PLD5: variants seen among roughly 807,000 people sequenced by gnomAD.
PLD5 encodes inactive phospholipase D5.
In PLD5, 36 loss-of-function variants were observed where a neutral mutation model predicts 61.1. That is an observed-to-expected ratio of 0.59 (90% CI 0.45 to 0.78). The LOEUF (loss-of-function observed/expected upper bound fraction) is 0.78, where lower values mean the gene tolerates loss of function less well. PLD5 is among the 30% of genes least tolerant of loss of function. PLD5 has a pLI of 0.00. For synonymous variants in PLD5, 243 were observed against 242.8 expected (o/e 1.00, Z -0.01); for missense variants, 515 against 644.4 (o/e 0.80, Z 2.17).
intron 1 of PLD5, among the ~76,000 whole-genome samples, chr1:242,483,420 T>C (rs1667852304): frequency 6.6e-6 from 1 of 152,106 alleles, no homozygotes; most frequent in Admixed American, 6.5e-5. Flanking sequence ...AAGTCTCTGA[T>C]AAAACAGACT....
rs188667092 is a variant in PLD5 at position 242,124,093 on chromosome 1, A to G, written c.933+375T>C. Among the ~76,000 whole-genome samples the G allele has an allele frequency of 3.5e-4, 53 of 152,308 alleles. No individual in the cohort carries two copies. The East Asian group carries it at 0.01, about 29-fold the overall frequency. On this transcript the variant is annotated intron_variant, in intron 6 of 9. Transcript: ENST00000536534. Reference sequence around the variant, plus strand: ...AATGTAGGGCATTGAAAACAGGCTAACAGGCTCTGGTGTCAGAAGAGCTGG... The same window carrying G: ...AATGTAGGGCATTGAAAACAGGCTAGCAGGCTCTGGTGTCAGAAGAGCTGG...
intron 2 of PLD5, 42 bp downstream of exon 2, chr1:242,348,064 T>C (rs751989404): frequency 6.2e-7 from 1 of 1,603,268 alleles, no homozygotes; most frequent in Non-Finnish European, 8.5e-7. Flanking sequence ...TTGGATTTCT[T>C]GCCCGCCCCC....
chr1:242,442,734 G>A (rs1456120636), intron 1 of PLD5, among the ~76,000 whole-genome samples: 1 of 152,138 alleles, frequency 6.6e-6, no homozygotes, highest in African/African-American at 2.4e-5. Context: ...AAGAAGAGAC[G>A]CAGGGAAAGG....
Position 242,414,564 on chromosome 1 carries a change from A to G in PLD5, c.190-66322T>C, listed in dbSNP as rs539781404. 1.2e-4 allele frequency among the ~76,000 whole-genome samples: 18 copies of G among 152,344 alleles called. No individual in the cohort carries two copies. The South Asian group carries it at 3.5e-3, about 30-fold the overall frequency. The stretch of plus-strand genomic sequence containing the variant: ...AAGGAAAGATTAGAGACTAAGTAGC[A>G]CTGGGATAGCAGGAAAGCTACATGG... On this transcript the variant is annotated intron_variant, in intron 1 of 9. Coordinates refer to ENST00000536534, the MANE Select transcript of PLD5 (RefSeq NM_001372062.1).
chr1:242,352,079 T>G (rs1250337625), intron 1 of PLD5, among the ~76,000 whole-genome samples: 2 of 152,164 alleles, frequency 1.3e-5, no homozygotes, highest in African/African-American at 4.8e-5. Context: ...GGAGCTATAC[T>G]CTCTTAATGA....
chr1:242,124,156 CTTTTTG>C (rs1391152242), intron 6 of PLD5, among the ~76,000 whole-genome samples: 9 of 152,142 alleles, frequency 5.9e-5, no homozygotes, highest in Admixed American at 5.9e-4. Context: ...ATCGGATGGG[CTTTTTG>C]CTAGTAGGTA....
At chr1:242,132,067 G>A (rs893735163) in intron 5 of PLD5, among the ~76,000 whole-genome samples, 2 of 151,608 alleles carry the variant, frequency 1.3e-5, no homozygotes, top group African/African-American at 4.9e-5. Flanking sequence ...ATGACCTCAG[G>A]TGATCTGCCC....
chr1:242,311,499 A>G (rs1676696195), intron 2 of PLD5, among the ~76,000 whole-genome samples: 1 of 152,218 alleles, frequency 6.6e-6, no homozygotes, highest in Non-Finnish European at 1.5e-5. Context: ...CCACTGGTTA[A>G]GAGAATGAGC....
At chr1:242,381,555 A>T (rs1036183811) in intron 1 of PLD5, among the ~76,000 whole-genome samples, 6 of 152,210 alleles carry the variant, frequency 3.9e-5, no homozygotes, top group African/African-American at 1.4e-4. Flanking sequence ...CTTAAAATAA[A>T]AGTTGAAGAA....
intron 1 of PLD5, among the ~76,000 whole-genome samples, chr1:242,434,279 C>T (rs1273486407): frequency 6.6e-6 from 1 of 152,196 alleles, no homozygotes; most frequent in African/African-American, 2.4e-5. Context: ...TGATGGACTG[C>T]ATGTCAGGAG....
intron 6 of PLD5, among the ~76,000 whole-genome samples, chr1:242,122,015 A>G (rs572147048): frequency 6.6e-6 from 1 of 152,256 alleles, no homozygotes; most frequent in East Asian, 1.9e-4. Context: ...GGTGCAGCAC[A>G]CCAACATGGC....
At chr1:242,229,825 A>T (rs1453339112) in intron 4 of PLD5, among the ~76,000 whole-genome samples, 4 of 151,928 alleles carry the variant, frequency 2.6e-5, no homozygotes, top group Non-Finnish European at 5.9e-5. Flanking sequence ...CTACAAACTG[A>T]AGCAATTTTA....
At chr1:242,321,114 C>T (rs1459251661) in intron 2 of PLD5, among the ~76,000 whole-genome samples, 1 of 152,036 alleles carries the variant, frequency 6.6e-6, no homozygotes, top group Non-Finnish European at 1.5e-5. Context: ...TGCTCAGAGA[C>T]CCAGCAAACA....
rs1660750171 is a variant in PLD5 at position 242,356,299 on chromosome 1, C to G, written c.190-8057G>C. Among the ~76,000 whole-genome samples the G allele has an allele frequency of 3.3e-5, 5 of 151,938 alleles. No homozygotes were observed. The South Asian group carries it at 1.0e-3, about 32-fold the overall frequency. ...GTTATATCCTATTGATAAATTGACCCCTTTATCATTATATAATGCCCTTCT... is the reference window on the plus strand; with the variant it reads ...GTTATATCCTATTGATAAATTGACCGCTTTATCATTATATAATGCCCTTCT... On this transcript the variant is annotated intron_variant, in intron 1 of 9. Transcript: ENST00000536534.
chr1:242,399,161 CTATT>C (rs1030233555), intron 1 of PLD5, among the ~76,000 whole-genome samples: 12 of 152,362 alleles, frequency 7.9e-5, no homozygotes, highest in African/African-American at 2.9e-4. Flanking sequence ...ACTGTGCACA[CTATT>C]TATTTGCATT....
chr1:242,426,275 C>T (rs1014959447), intron 1 of PLD5, among the ~76,000 whole-genome samples: 1 of 147,202 alleles, frequency 6.8e-6, no homozygotes, highest in African/African-American at 2.5e-5. Flanking sequence ...TTCTGAAATA[C>T]CTCCTGGAGG....
chr1:242,121,654 C>T (rs1167747266), intron 6 of PLD5, among the ~76,000 whole-genome samples: 3 of 152,084 alleles, frequency 2.0e-5, no homozygotes, highest in East Asian at 1.9e-4. Context: ...ATGTTTATTG[C>T]GGCGCTATTC....
chr1:242,519,191 T>A (rs968872823), intron 1 of PLD5, among the ~76,000 whole-genome samples: 1 of 152,138 alleles, frequency 6.6e-6, no homozygotes, highest in Non-Finnish European at 1.5e-5. Context: ...CCCTGTGGGG[T>A]ACAGTATTTT....
At chr1:242,241,888 TATATATATATATATATATATATAC>T (rs200187972) in intron 4 of PLD5, among the ~76,000 whole-genome samples, 21,369 of 72,390 alleles carry the variant, frequency 0.3, 2,155 homozygotes, top group South Asian at 0.39. Flanking sequence ...TATATATATA[TATATATATATATATATATATATAC>T]TTACTGTATA....
Sources: allele counts gnomAD v4.1 joint callset (sites outside exome capture counted in the v4.1 genomes callset), GRCh38; gene constraint gnomAD v4.1.1; transcripts MANE v1.5; gene names NCBI Gene and HGNC (gene_info 2026-07-23, HGNC 2026-07-21).